The following DGCR2 variants were observed in gnomAD, a reference collection of about 807,000 sequenced individuals.
DGCR2 encodes DiGeorge syndrome critical region gene 2.
DGCR2 carries 24 observed loss-of-function variants against 51.6 expected under a neutral mutation model. The ratio of observed to expected loss-of-function variants is 0.47; its 90% confidence interval spans 0.34 to 0.65. The LOEUF is 0.65. Ranked by LOEUF, DGCR2 falls within the 30% of genes least tolerant of loss-of-function variation. The pLI is 0.01. For missense variants in DGCR2, 765 were observed against 772.1 expected, an observed-to-expected ratio of 0.99 and a Z score of 0.11; for synonymous variants, 340 against 315.4, an observed-to-expected ratio of 1.08 and a Z score of -0.82.
intron 2 of DGCR2, among the ~76,000 whole-genome samples, chr22:19,078,044 G>C (rs1272033813): frequency 1.3e-5 from 2 of 152,082 alleles, no homozygotes; most frequent in Non-Finnish European, 2.9e-5. Flanking sequence ...GGCCAGGCTG[G>C]TCCTGAACTC....
chr22:19,093,527 T>C (rs917261881), intron 1 of DGCR2, among the ~76,000 whole-genome samples: 1 of 152,134 alleles, frequency 6.6e-6, no homozygotes, highest in African/African-American at 2.4e-5. Context: ...AATTGATAAA[T>C]TGGACTTCAT....
chr22:19,068,561 T>C (rs778262419), intron 2 of DGCR2, among the ~76,000 whole-genome samples: 12 of 152,188 alleles, frequency 7.9e-5, no homozygotes, highest in Non-Finnish European at 1.6e-4. Flanking sequence ...TCCAGCCCCA[T>C]GGGGATGGCC....
At chr22:19,075,103 G>T (rs2082860312) in intron 2 of DGCR2, among the ~76,000 whole-genome samples, 1 of 149,830 alleles carries the variant, frequency 6.7e-6, no homozygotes, top group African/African-American at 2.5e-5. Flanking sequence ...TCAGATATTG[G>T]ATTTTCTGAA....
In DGCR2 at chr22:19,122,334, A is replaced by T; in HGVS notation, c.-128T>A. 1.4e-6 allele frequency: 1 copy of T among 725,556 alleles called. No homozygotes were observed. Among genetic ancestry groups the T allele is most frequent in the Non-Finnish European group, 2.1e-6 (1 of 487,148 alleles). The allele number at this position is 725,556 out of a possible 1,614,324, so 44.9% of individuals were successfully genotyped here. A position where few individuals can be genotyped will look rare whatever the true frequency, so the allele number is the denominator to read the frequency against. On this transcript the variant is annotated 5_prime_UTR_variant, in exon 1 of 10. Coordinates refer to ENST00000263196, the MANE Select transcript of DGCR2 (RefSeq NM_005137.3). ...GGGCGAGGCGCGGAGAGGCGGCGGG[A>T]AAGAGCTTCGGCTGGGCCGCGGGCT... is the stretch of plus-strand genomic sequence containing the variant.
At chr22:19,118,374 C>CAAAAAAAAAAA (rs923572855) in intron 1 of DGCR2, among the ~76,000 whole-genome samples, 7 of 56,760 alleles carry the variant, frequency 1.2e-4, no homozygotes, top group East Asian at 6.1e-4. Flanking sequence ...CCATCGCAAA[C>CAAAAAAAAAAA]AAAAAAAAAA....
chr22:19,080,223 C>G (rs978133155), intron 2 of DGCR2, among the ~76,000 whole-genome samples: 2 of 152,164 alleles, frequency 1.3e-5, no homozygotes, highest in African/African-American at 4.8e-5. Context: ...TATTTTCAAC[C>G]TCCACGACTC....
chr22:19,119,506 C>G (rs905973276), intron 1 of DGCR2, among the ~76,000 whole-genome samples: 1 of 152,124 alleles, frequency 6.6e-6, no homozygotes, highest in Non-Finnish European at 1.5e-5. Context: ...GAGGCCAAGG[C>G]AGGTGGCTCA....
chr22:19,095,272 G>T (rs933236247), intron 1 of DGCR2, among the ~76,000 whole-genome samples: 2 of 152,136 alleles, frequency 1.3e-5, no homozygotes, highest in African/African-American at 4.8e-5. Flanking sequence ...TGAGGCAGGA[G>T]AATCGCTTGA....
intron 2 of DGCR2, 21 bp downstream of exon 2, chr22:19,089,347 C>T (rs1295010725): frequency 1.3e-6 from 2 of 1,575,280 alleles, no homozygotes; most frequent in Admixed American, 1.8e-5. Flanking sequence ...GGTGTGTACC[C>T]CGCCTACTCA....
intron 7 of DGCR2, 141 bp from the exon 8 acceptor site, chr22:19,042,100 A>G: frequency 9.8e-7 from 1 of 1,017,732 alleles, no homozygotes; most frequent in Non-Finnish European, 1.4e-6. Flanking sequence ...TCTTTAGGAT[A>G]CATGTGAAAT....
At chr22:19,096,798 CTCAAAG>C (rs1161728435) in intron 1 of DGCR2, among the ~76,000 whole-genome samples, 1 of 151,432 alleles carries the variant, frequency 6.6e-6, no homozygotes, top group East Asian at 1.9e-4. Context: ...ATCATGGTGC[CTCAAAG>C]TCAAATGACT....
intron 2 of DGCR2, among the ~76,000 whole-genome samples, chr22:19,088,503 G>A (rs1171068167): frequency 6.6e-6 from 1 of 152,156 alleles, no homozygotes. Flanking sequence ...GCCCAGCTGA[G>A]CCACTGAAGG....
At chr22:19,099,905 G>A (rs1382434509) in intron 1 of DGCR2, among the ~76,000 whole-genome samples, 3 of 151,942 alleles carry the variant, frequency 2.0e-5, no homozygotes, top group African/African-American at 7.3e-5. Flanking sequence ...AGGAGGCAGA[G>A]GTTGCAGTGA....
Position 19,041,831 on chromosome 22 carries a change from T to C in DGCR2, c.1135A>G (p.Ile379Val), listed in dbSNP as rs763989114. ...HRLRQRRRER[I>V]ESLIGANLHH... Reference sequence around the variant, plus strand: ...CAGTTTGCTCCAATCAGGGACTCGATGCGCTCCCGGCGCCGCTGGCGCAGC... The same window carrying C: ...CAGTTTGCTCCAATCAGGGACTCGACGCGCTCCCGGCGCCGCTGGCGCAGC... Residue 379 changes from isoleucine to valine, a missense_variant, in exon 8 of 10, where the codon ATC becomes GTC. Transcript: ENST00000263196. The C allele has an allele frequency of 1.2e-6, 2 of 1,612,660 alleles. No individual in the cohort carries two copies. Among genetic ancestry groups the C allele is most frequent in the South Asian group, 1.1e-5 (1 of 91,024 alleles).
intron 2 of DGCR2, among the ~76,000 whole-genome samples, chr22:19,077,698 T>A (rs1438413754): frequency 1.3e-5 from 2 of 152,352 alleles, no homozygotes; most frequent in African/African-American, 4.8e-5. Flanking sequence ...AACATTAGGA[T>A]AAATTTTTCT....
intron 1 of DGCR2, 111 bp downstream of exon 1, chr22:19,122,017 T>G: frequency 4.0e-6 from 2 of 500,046 alleles, no homozygotes; most frequent in Non-Finnish European, 5.7e-6. Flanking sequence ...CGCCCGCCCC[T>G]GCCCCAGGCG....
At chr22:19,076,874 C>T (rs1249037571) in intron 2 of DGCR2, among the ~76,000 whole-genome samples, 1 of 151,600 alleles carries the variant, frequency 6.6e-6, no homozygotes, top group East Asian at 1.9e-4. Flanking sequence ...GGAACTAAGG[C>T]GCCCGCCACC....
intron 3 of DGCR2, 74 bp downstream of exon 3, chr22:19,068,023 CAGT>C (rs2082768809): frequency 1.4e-6 from 2 of 1,471,880 alleles, no homozygotes; most frequent in East Asian, 4.9e-5. Flanking sequence ...TCACGCAGCA[CAGT>C]AGTGCTGGAA....
intron 5 of DGCR2, among the ~76,000 whole-genome samples, chr22:19,062,607 G>A (rs1038768853): frequency 7.2e-5 from 11 of 152,128 alleles, no homozygotes; most frequent in African/African-American, 2.7e-4. Flanking sequence ...AGGCACTGCT[G>A]GAGTATGTCC....
Sources: gnomAD v4.1 joint callset for allele counts (sites outside exome capture counted in the v4.1 genomes callset) on GRCh38, gnomAD v4.1.1 for gene constraint, MANE v1.5 for transcripts, NCBI Gene and HGNC (gene_info 2026-07-23, HGNC 2026-07-21) for gene names.